The following GLIS3 variants were observed in gnomAD, a reference collection of about 807,000 sequenced individuals.
The protein encoded by GLIS3 is GLIS family zinc finger 3.
A neutral mutation model predicts 78.6 loss-of-function variants in GLIS3; 53 were observed. The observed-to-expected ratio is 0.67, with a 90% CI of 0.54 to 0.85. The LOEUF (loss-of-function observed/expected upper bound fraction) is 0.85. Ranked by LOEUF, GLIS3 falls within the 40% of genes least tolerant of loss-of-function variation. The probability of loss-of-function intolerance (pLI) is 0.00; values close to 1 mark genes in which losing one functional copy is unlikely to be tolerated. For synonymous variants in GLIS3, 684 were observed against 509.9 expected, an observed-to-expected ratio of 1.34 and a Z score of -4.60; for missense variants, 1,703 against 1,231.1, an observed-to-expected ratio of 1.38 and a Z score of -5.74.
intron 2 of GLIS3, among the ~76,000 whole-genome samples, chr9:4,277,881 G>A (rs1205423639): frequency 6.6e-6 from 1 of 152,108 alleles, no homozygotes; most frequent in Admixed American, 6.5e-5. Context: ...GGAAGTAGGG[G>A]AAATACAATA....
chr9:3,854,138 G>C (rs1254997478), intron 9 of GLIS3, among the ~76,000 whole-genome samples: 1 of 152,192 alleles, frequency 6.6e-6, no homozygotes, highest in South Asian at 2.1e-4. Context: ...CATGGCACAG[G>C]GGACCTGGTT....
chr9:4,419,126 T>C, the GLIS3 span, among the ~76,000 whole-genome samples: 1 of 152,228 alleles, frequency 6.6e-6, no homozygotes, highest in East Asian at 1.9e-4. Flanking sequence ...TCATGAGTTT[T>C]GCTTTCTGAC....
At chr9:4,382,492 T>G in the GLIS3 span, among the ~76,000 whole-genome samples, 122,088 of 152,102 alleles carry the variant, frequency 0.8, 50,211 homozygotes, top group Non-Finnish European at 0.9. Context: ...TCTGATTACC[T>G]CACACAAACA....
intron 2 of GLIS3, among the ~76,000 whole-genome samples, chr9:4,206,608 C>G (rs1216094098): frequency 2.6e-5 from 4 of 152,174 alleles, no homozygotes; most frequent in East Asian, 3.8e-4. Flanking sequence ...TAATCTCTCC[C>G]AAAGCATGTT....
intron 2 of GLIS3, among the ~76,000 whole-genome samples, chr9:4,319,392 G>C (rs10758603): frequency 0.6 from 90,597 of 151,952 alleles, 27,417 homozygotes; most frequent in Middle Eastern, 0.76. Flanking sequence ...GGTGAATCTG[G>C]GTGAAGGTAC....
chr9:4,335,780 T>G (rs956095862), intron 2 of GLIS3, among the ~76,000 whole-genome samples: 3 of 152,180 alleles, frequency 2.0e-5, no homozygotes, highest in African/African-American at 7.2e-5. Context: ...CTGGGTCCCT[T>G]GCCCTACTCT....
intron 4 of GLIS3, among the ~76,000 whole-genome samples, chr9:4,014,762 C>A (rs1209180267): frequency 6.6e-6 from 1 of 152,210 alleles, no homozygotes; most frequent in Non-Finnish European, 1.5e-5. Context: ...ACAGAAATCA[C>A]CTCGTCCAAT....
chr9:4,326,163 A>G (rs10974462), intron 2 of GLIS3, among the ~76,000 whole-genome samples: 21,451 of 152,120 alleles, frequency 0.14, 3,635 homozygotes, highest in African/African-American at 0.41. Context: ...ACATTTACCT[A>G]TGTAACAAAC....
At chr9:4,215,005 T>C (rs1244517463) in intron 2 of GLIS3, among the ~76,000 whole-genome samples, 1 of 152,168 alleles carries the variant, frequency 6.6e-6, no homozygotes, top group Non-Finnish European at 1.5e-5. Context: ...CCCTGTACTT[T>C]GAAAAGCCCT....
In GLIS3 at chr9:4,344,549, C is replaced by T. The variant is rs528784988; in HGVS notation, n.264+2532G>A. Reference sequence around the variant, plus strand: ...GGCCTGTTTTCTTCTCTTTCACACTCGCTCACTCCCTGGGTGTTCTCATCC... The same window carrying T: ...GGCCTGTTTTCTTCTCTTTCACACTTGCTCACTCCCTGGGTGTTCTCATCC... On this transcript the variant is annotated intron_variant and non_coding_transcript_variant, in intron 2 of 4. Transcript: ENST00000471664. Among the ~76,000 whole-genome samples, 483 of 152,308 alleles carry T rather than the reference C, an allele frequency of 3.2e-3. 1 individual carries two copies. Among genetic ancestry groups the T allele is most frequent in the African/African-American group, 0.011 (465 of 41,568 alleles).
intron 2 of GLIS3, among the ~76,000 whole-genome samples, chr9:4,240,048 A>C (rs1047516845): frequency 7.2e-5 from 11 of 152,184 alleles, no homozygotes; most frequent in African/African-American, 2.7e-4. Context: ...TTCCAACTGA[A>C]GATAGATAAA....
chr9:3,846,949 T>C (rs1262974207), intron 9 of GLIS3, among the ~76,000 whole-genome samples: 1 of 152,074 alleles, frequency 6.6e-6, no homozygotes. Flanking sequence ...TTTGGGAGGC[T>C]AAGGCAGGGG....
chr9:4,200,469 C>T (rs1034767264), intron 2 of GLIS3, among the ~76,000 whole-genome samples: 3 of 151,948 alleles, frequency 2.0e-5, no homozygotes, highest in Admixed American at 6.5e-5. Flanking sequence ...AAATGATAAA[C>T]GCAACATTAC....
At chr9:4,385,679 A>G in the GLIS3 span, among the ~76,000 whole-genome samples, 3 of 145,118 alleles carry the variant, frequency 2.1e-5, no homozygotes, top group Non-Finnish European at 4.5e-5. Flanking sequence ...AAAAAAAAAA[A>G]AAAGAAAAAA....
chr9:4,147,592 G>C (rs1362634461), intron 2 of GLIS3: 1 of 152,270 alleles, frequency 6.6e-6, no homozygotes, highest in African/African-American at 2.4e-5. Context: ...TTCAGGAACT[G>C]CCAGGACATT....
chr9:4,201,794 A>G (rs555210066), intron 2 of GLIS3, among the ~76,000 whole-genome samples: 2 of 152,196 alleles, frequency 1.3e-5, no homozygotes, highest in Non-Finnish European at 2.9e-5. Context: ...TGCTATTCCT[A>G]TTAAGCTAAT....
At chr9:3,981,989 A>T (rs916236252) in intron 4 of GLIS3, among the ~76,000 whole-genome samples, 6 of 151,964 alleles carry the variant, frequency 3.9e-5, no homozygotes, top group Non-Finnish European at 8.8e-5. Flanking sequence ...ATCTTATTCC[A>T]CCTGCAAAGT....
chr9:3,883,486 T>G (rs578175618), intron 7 of GLIS3, among the ~76,000 whole-genome samples: 17 of 152,230 alleles, frequency 1.1e-4, no homozygotes, highest in African/African-American at 4.1e-4. Context: ...AGAGTAAAAC[T>G]GTAATGTCAT....
chr9:4,052,316 AT>A (rs886566719), intron 4 of GLIS3, among the ~76,000 whole-genome samples: 27 of 151,758 alleles, frequency 1.8e-4, no homozygotes, highest in African/African-American at 5.1e-4. Context: ...AATTGGTTTA[AT>A]TTTTTTTTGT....
Sources: gnomAD v4.1 joint callset for allele counts (sites outside exome capture counted in the v4.1 genomes callset) on GRCh38, gnomAD v4.1.1 for gene constraint, MANE v1.5 for transcripts, NCBI Gene and HGNC (gene_info 2026-07-23, HGNC 2026-07-21) for gene names.